The following ADGRD1 variants were observed in gnomAD, a reference collection of about 807,000 sequenced individuals.
ADGRD1 encodes the protein adhesion G protein-coupled receptor D1, also known as G-protein coupled receptor 133.
In ADGRD1, 77 loss-of-function variants were observed where a neutral mutation model predicts 113.4. That is an observed-to-expected ratio of 0.68 (90% CI 0.57 to 0.82). The LOEUF is 0.82. Ranked by LOEUF, ADGRD1 falls within the 40% of genes least tolerant of loss-of-function variation. The probability of loss-of-function intolerance (pLI) is 0.00; values close to 1 mark genes in which losing one functional copy is unlikely to be tolerated. For missense variants in ADGRD1, 1,036 were observed against 1,139.1 expected (o/e 0.91, Z 1.30); for synonymous variants, 474 against 475.0 (o/e 1.00, Z 0.03).
At position 131,136,085 on chromosome 12, in the gene ADGRD1, G is replaced by A. The variant is rs774051747; in HGVS notation, c.2316G>A (p.Ser772=). The change falls in exon 22 of 25, where the codon TCG becomes TCA. Residue 772 remains serine, a synonymous_variant. Coordinates refer to ENST00000261654, the MANE Select transcript of ADGRD1 (RefSeq NM_198827.5). ...VAVLLPILGT[S]WVFGVLAVNG... The stretch of plus-strand genomic sequence containing the variant: ...TGCTGCTGCCCATCCTGGGTACCTC[G>A]TGGGTCTTTGGCGTGCTTGCTGTCA... 6.8e-6 allele frequency: 11 copies of A among 1,614,194 alleles called. No individual in the cohort carries two copies. Among genetic ancestry groups the A allele is most frequent in the Admixed American group, 1.7e-5 (1 of 60,032 alleles).
intron 12 of ADGRD1, among the ~76,000 whole-genome samples, chr12:131,007,892 ATC>A (rs1033510939): frequency 1.6e-3 from 57 of 35,866 alleles, no homozygotes; most frequent in African/African-American, 3.7e-3. Context: ...CTGGAAAAAA[ATC>A]ATGCAAACAG....
At chr12:131,074,379 A>G (rs1322726657) in intron 13 of ADGRD1, among the ~76,000 whole-genome samples, 6 of 152,186 alleles carry the variant, frequency 3.9e-5, no homozygotes, top group Non-Finnish European at 8.8e-5. Context: ...CCCTGGCTTG[A>G]GGTTTCAGGA....
chr12:131,136,249 GGGAGGCC>G, intron 22 of ADGRD1, 86 bp downstream of exon 22: 1 of 1,498,118 alleles, frequency 6.7e-7, no homozygotes, highest in Non-Finnish European at 9.1e-7. Flanking sequence ...AGGGGCAGGA[GGGAGGCC>G]TGCCCTCCCG....
Position 131,018,514 on chromosome 12 carries a change from G to A in ADGRD1, c.1473+4174G>A, listed in dbSNP as rs151065931. Among the ~76,000 whole-genome samples the A allele has an allele frequency of 5.7e-4, 87 of 151,838 alleles. No individual in the cohort carries two copies. In the East Asian group the frequency reaches 0.014, roughly 25 times the overall value. ...CCTCGGGTCGGCCGCCTCACGCAGC[G>A]CTTCCCTCGTGCTGCCCCATCATTC... On this transcript the variant is annotated intron_variant, in intron 13 of 24. Transcript: ENST00000261654.
intron 13 of ADGRD1, among the ~76,000 whole-genome samples, chr12:131,031,632 C>T (rs1283701041): frequency 6.6e-6 from 1 of 151,990 alleles, no homozygotes; most frequent in Non-Finnish European, 1.5e-5. Context: ...CCCCTTGAGG[C>T]TGCAGGAGTT....
At chr12:131,067,034 G>C (rs576364726) in intron 13 of ADGRD1, among the ~76,000 whole-genome samples, 1 of 152,078 alleles carries the variant, frequency 6.6e-6, no homozygotes, top group African/African-American at 2.4e-5. Context: ...CGGGGCTGCC[G>C]CCAGGCTCAG....
chr12:131,003,220 T>TG lies in ADGRD1; in HGVS notation c.1063dup (p.Asp355GlyfsTer140). On this transcript the variant is annotated frameshift_variant, in exon 10 of 25. Coordinates refer to ENST00000261654, the MANE Select transcript of ADGRD1 (RefSeq NM_198827.5). LOFTEE classifies it high-confidence loss of function. This position sits in a 1 kb window ranked among gnomAD's most constrained non-coding sequence, Gnocchi z 4.8. Reference sequence around the variant, plus strand: ...TGGTACTGAGTCTCATCGACACTATTGACACCGTCATGGGCCATGTATCCT... The same window carrying TG: ...TGGTACTGAGTCTCATCGACACTATTGGACACCGTCATGGGCCATGTATCCT... 6.2e-7 allele frequency: 1 copy of TG among 1,614,130 alleles called. No individual in the cohort carries two copies. Among genetic ancestry groups the TG allele is most frequent in the Non-Finnish European group, 8.5e-7 (1 of 1,180,000 alleles).
chr12:130,972,891 A>G (rs1439194977), intron 4 of ADGRD1, among the ~76,000 whole-genome samples: 1 of 152,170 alleles, frequency 6.6e-6, no homozygotes, highest in Admixed American at 6.5e-5. Flanking sequence ...TAATGAACCC[A>G]AGAAAGGAGA....
chr12:130,988,686 G>A (rs545629791), intron 6 of ADGRD1: 1 of 152,384 alleles, frequency 6.6e-6, no homozygotes, highest in African/African-American at 2.4e-5. Flanking sequence ...GCCCTCTTTT[G>A]TTAGCCTCCT....
At chr12:131,036,579 A>G (rs1881429025) in intron 13 of ADGRD1, among the ~76,000 whole-genome samples, 1 of 142,848 alleles carries the variant, frequency 7.0e-6, no homozygotes, top group African/African-American at 2.7e-5. Context: ...GGCCTCACTC[A>G]CTACACCAGG....
chr12:131,109,961 C>T (rs530733245), intron 18 of ADGRD1, among the ~76,000 whole-genome samples: 1 of 152,312 alleles, frequency 6.6e-6, no homozygotes, highest in African/African-American at 2.4e-5. Flanking sequence ...CTCTTCATCT[C>T]TAGTATTATG....
chr12:131,116,279 AG>A (rs763236442), intron 18 of ADGRD1, among the ~76,000 whole-genome samples: 16 of 152,200 alleles, frequency 1.1e-4, no homozygotes, highest in Non-Finnish European at 1.9e-4. Flanking sequence ...AGGATGACAA[AG>A]GCCCACAGTC....
chr12:131,122,208 G>A (rs1409149929), intron 20 of ADGRD1, among the ~76,000 whole-genome samples: 1 of 152,158 alleles, frequency 6.6e-6, no homozygotes, highest in Non-Finnish European at 1.5e-5. Flanking sequence ...GGGGTGTTGC[G>A]CGGGGCGCCA....
At chr12:131,016,695 C>T (rs1048595814) in intron 13 of ADGRD1, among the ~76,000 whole-genome samples, 1 of 152,186 alleles carries the variant, frequency 6.6e-6, no homozygotes, top group Admixed American at 6.5e-5. Context: ...GAGTTTGAGA[C>T]CAGCGTGACC....
intron 4 of ADGRD1, chr12:130,978,025 C>T (rs1872532517): frequency 6.6e-6 from 1 of 152,304 alleles, no homozygotes; most frequent in African/African-American, 2.4e-5. Context: ...CAAGTTACCG[C>T]ACCTCCCTGT....
At chr12:131,093,372 G>A (rs1021435279) in intron 15 of ADGRD1, among the ~76,000 whole-genome samples, 17 of 152,174 alleles carry the variant, frequency 1.1e-4, no homozygotes, top group African/African-American at 2.9e-4. Flanking sequence ...GAAGGGCACC[G>A]TGGGGGCACA....
chr12:130,955,370 C>T (rs1046503906), intron 2 of ADGRD1, among the ~76,000 whole-genome samples: 2 of 151,986 alleles, frequency 1.3e-5, no homozygotes, highest in African/African-American at 2.4e-5. Context: ...CTGGAGCAGC[C>T]GATGAGTGGG....
intron 2 of ADGRD1, among the ~76,000 whole-genome samples, chr12:130,964,308 A>C (rs557930770): frequency 2.0e-5 from 3 of 151,956 alleles, no homozygotes; most frequent in Non-Finnish European, 2.9e-5. Context: ...TGGTATAAAG[A>C]GTGAGGTTGG....
intron 23 of ADGRD1, among the ~76,000 whole-genome samples, chr12:131,137,356 G>C (rs970884229): frequency 6.6e-6 from 1 of 152,248 alleles, no homozygotes; most frequent in Non-Finnish European, 1.5e-5. Context: ...GTCCACGGGA[G>C]CTGGGAAGAG....
Sources: gnomAD v4.1 joint callset for allele counts (sites outside exome capture counted in the v4.1 genomes callset) on GRCh38, gnomAD v4.1.1 for gene constraint, Gnocchi (gnomAD v3.1) non-coding constraint, MANE v1.5 for transcripts, NCBI Gene and HGNC (gene_info 2026-07-23, HGNC 2026-07-21) for gene names.